DRGX: variants seen among roughly 807,000 people sequenced by gnomAD.
DRGX encodes dorsal root ganglia homeobox, also known as dorsal root ganglia homeobox protein.
In DRGX, 21 loss-of-function variants were observed where a neutral mutation model predicts 28.6. That is an observed-to-expected ratio of 0.73 (90% CI 0.52 to 1.06). The LOEUF (loss-of-function observed/expected upper bound fraction) is 1.06. DRGX is among the 50% of genes least tolerant of loss of function. DRGX has a pLI of 0.00. For synonymous variants in DRGX, 136 were observed against 139.1 expected, an observed-to-expected ratio of 0.98 and a Z score of 0.16; for missense variants, 354 against 343.9, an observed-to-expected ratio of 1.03 and a Z score of -0.23.
chr10:49,370,264 G>A (rs1419931571), intron 6 of DRGX, among the ~76,000 whole-genome samples: 1 of 152,160 alleles, frequency 6.6e-6, no homozygotes, highest in African/African-American at 2.4e-5. Flanking sequence ...AATTAGCCAG[G>A]TGTGGTGGCT....
At chr10:49,367,301 T>G (rs1849611550) in intron 6 of DRGX, among the ~76,000 whole-genome samples, 1 of 151,730 alleles carries the variant, frequency 6.6e-6, no homozygotes, top group Non-Finnish European at 1.5e-5. Context: ...AGTTCAAGGG[T>G]ACAGTGAGCC....
At chr10:49,371,499 CA>C (rs965871766) in intron 6 of DRGX, among the ~76,000 whole-genome samples, 2 of 151,400 alleles carry the variant, frequency 1.3e-5, no homozygotes, top group East Asian at 1.9e-4. Flanking sequence ...ACAAAATATA[CA>C]AAAAAAATTA....
intron 2 of DRGX, 47 bp downstream of exon 2, chr10:49,395,360 G>T: frequency 6.5e-7 from 1 of 1,547,886 alleles, no homozygotes; most frequent in South Asian, 1.2e-5. Context: ...GGCCCTTTCT[G>T]GCCGGCTCTG....
Position 49,364,630 on chromosome 10 carries a change from A to G in DRGX, c.*1486T>C, listed in dbSNP as rs1479859387. 6.6e-6 allele frequency: 1 copy of G among 152,172 alleles called. No homozygotes were observed. Among genetic ancestry groups the G allele is most frequent in the Admixed American group, 6.5e-5 (1 of 15,278 alleles). 9.4% of individuals were successfully genotyped at this position (152,172 alleles called of 1,614,324 possible). A position where few individuals can be genotyped will look rare whatever the true frequency, so the allele number is the denominator to read the frequency against. The stretch of plus-strand genomic sequence containing the variant: ...CTTTTTGGCAAATCGTTTCATCTTT[A>G]TACTCAACAAGCAAAATACAGCAGG... On this transcript the variant is annotated 3_prime_UTR_variant, in exon 7 of 7. Coordinates refer to ENST00000374139, the MANE Select transcript of DRGX (RefSeq NM_001276451.2).
rs1421486675 is a variant in DRGX at position 49,395,445 on chromosome 10, G to A, written c.-5C>T. The A allele has an allele frequency of 5.2e-6, 8 of 1,550,144 alleles. No homozygotes were observed. The highest frequency in any genetic ancestry group is 3.3e-4 in the Middle Eastern group (2 of 6,014). ...CGGGCAGTGGAAATAAAACATCGCC[G>A]GCTGTCAGATCGGCTGGACGGCCGA... On this transcript the variant is annotated 5_prime_UTR_variant, in exon 2 of 7. Transcript: ENST00000374139.
rs1849965529 is a variant in DRGX at position 49,396,022 on chromosome 10, G to A, written c.-169C>T. ...GCTGGCGGCGGGCGGGGCTCGGCGC[G>A]GCTGGCGCCCGCAGGACCAAAGAAG... On this transcript the variant is annotated 5_prime_UTR_variant, in exon 1 of 7. Coordinates refer to ENST00000374139, the MANE Select transcript of DRGX (RefSeq NM_001276451.2). 1 of 153,140 alleles carries A rather than the reference G, an allele frequency of 6.5e-6. No individual in the cohort carries two copies. The allele number at this position is 153,140 out of a possible 1,614,324, so 9.5% of individuals were successfully genotyped here.
At chr10:49,367,476 C>T (rs903864029) in intron 6 of DRGX, among the ~76,000 whole-genome samples, 23 of 152,178 alleles carry the variant, frequency 1.5e-4, no homozygotes, top group Admixed American at 7.9e-4. Flanking sequence ...TCAGGACATA[C>T]TTAGTGAGCT....
At chr10:49,386,906 A>T in intron 4 of DRGX, 48 bp from the exon 5 acceptor site, 1 of 1,510,186 alleles carries the variant, frequency 6.6e-7, no homozygotes, top group Non-Finnish European at 8.8e-7. Context: ...AAACAGGAGG[A>T]AGAAGCCAGA....
At position 49,371,791 on chromosome 10, in the gene DRGX, C is replaced by CAAA. The variant is rs563658320; in HGVS notation, c.527-5413_527-5411dup. 3.9e-3 allele frequency among the ~76,000 whole-genome samples: 178 copies of CAAA among 45,358 alleles called. 7 individuals are homozygous for CAAA. The highest frequency in any genetic ancestry group is 8.2e-3 in the African/African-American group (124 of 15,054). 29.8% of individuals were successfully genotyped at this position (45,358 alleles called of 152,430 possible). Reference sequence around the variant, plus strand: ...TGGACAACAGAGTGAGACTCCATCTCAAAAAAAAAAAAAAAAAAAAAAGCC... The same window carrying CAAA: ...TGGACAACAGAGTGAGACTCCATCTCAAAAAAAAAAAAAAAAAAAAAAAAAGCC... On this transcript the variant is annotated intron_variant, in intron 6 of 6. Coordinates refer to ENST00000374139, the MANE Select transcript of DRGX (RefSeq NM_001276451.2).
intron 6 of DRGX, among the ~76,000 whole-genome samples, chr10:49,385,193 C>T (rs1849818148): frequency 6.6e-6 from 1 of 152,144 alleles, no homozygotes; most frequent in South Asian, 2.1e-4. Context: ...AGCACCTGGA[C>T]CCTGGAGCTG....
At chr10:49,386,986 G>T in intron 4 of DRGX, 128 bp from the exon 5 acceptor site, 3 of 1,086,406 alleles carry the variant, frequency 2.8e-6, no homozygotes, top group South Asian at 2.3e-5. Context: ...CCTCTGAACT[G>T]CAGCGTCAGG....
intron 6 of DRGX, among the ~76,000 whole-genome samples, chr10:49,381,454 T>C (rs1849775307): frequency 6.6e-6 from 1 of 152,240 alleles, no homozygotes; most frequent in Non-Finnish European, 1.5e-5. Context: ...ATCTTTCTCA[T>C]GCACGTGCTG....
intron 6 of DRGX, among the ~76,000 whole-genome samples, chr10:49,385,550 C>G (rs558560405): frequency 6.6e-6 from 1 of 152,312 alleles, no homozygotes; most frequent in South Asian, 2.1e-4. Flanking sequence ...CCAGAAACCA[C>G]CTTTGCAACA....
At chr10:49,383,661 G>T (rs553420996) in intron 6 of DRGX, among the ~76,000 whole-genome samples, 1 of 152,320 alleles carries the variant, frequency 6.6e-6, no homozygotes, top group East Asian at 1.9e-4. Context: ...CAGGGCCTTT[G>T]GTAGGACATC....
rs1170558819 is a variant in DRGX at position 49,386,570 on chromosome 10, G to T, written c.434C>A (p.Pro145His). 4 of 1,592,070 alleles carry T rather than the reference G, an allele frequency of 2.5e-6. No individual in the cohort carries two copies. The highest frequency in any genetic ancestry group is 3.4e-6 in the Non-Finnish European group (4 of 1,169,318). The change falls in exon 6 of 7, where the codon CCT becomes CAT. Residue 145 changes from proline (P) to histidine (H), a missense_variant. Physicochemically the swap from Pro to His is moderately conservative, Grantham distance 77. Transcript: ENST00000374139. ...GCAGGAGGGGAAGAAAGGCCCTGCA[G>T]GACCTACCGTTCGCCCCAGGCTGGC... ...AQQSLGRTVG[P>H]AGPFFPSCLP...
intron 6 of DRGX, among the ~76,000 whole-genome samples, chr10:49,384,003 C>T (rs767015463): frequency 5.9e-5 from 9 of 152,260 alleles, no homozygotes; most frequent in African/African-American, 1.7e-4. Context: ...CACGTTCCCA[C>T]GCAGCCACAA....
Position 49,374,861 on chromosome 10 carries a change from G to A in DRGX, c.527-8480C>T, listed in dbSNP as rs190844294. 8.4e-4 allele frequency among the ~76,000 whole-genome samples: 128 copies of A among 152,280 alleles called. 1 individual carries two copies. The highest frequency in any genetic ancestry group is 2.9e-3 in the African/African-American group (122 of 41,546). ...CTCACACACGGTTTTCCTGTTGAAC[G>A]TTCAGGTTAGGGTAACAAGAGTTGA... On this transcript the variant is annotated intron_variant, in intron 6 of 6. Coordinates refer to ENST00000374139, the MANE Select transcript of DRGX (RefSeq NM_001276451.2).
At chr10:49,393,748 C>G (rs529139021) in intron 2 of DRGX, among the ~76,000 whole-genome samples, 1 of 152,324 alleles carries the variant, frequency 6.6e-6, no homozygotes, top group African/African-American at 2.4e-5. Flanking sequence ...ATGAAAGGCT[C>G]TTAAAGACCC....
chr10:49,391,082 A>G, intron 3 of DRGX, 82 bp downstream of exon 3: 1 of 1,423,614 alleles, frequency 7.0e-7, no homozygotes. Context: ...TCTTATTTTA[A>G]AAGACAAAGA....
Sources: allele counts gnomAD v4.1 joint callset (sites outside exome capture counted in the v4.1 genomes callset), GRCh38; gene constraint gnomAD v4.1.1; transcripts MANE v1.5; gene names NCBI Gene and HGNC (gene_info 2026-07-23, HGNC 2026-07-21).